Variants in CDC7 observed in about 807,000 individuals in gnomAD.
CDC7 encodes cell division cycle 7-related protein kinase.
A neutral mutation model predicts 53.5 loss-of-function variants in CDC7; 34 were observed. The observed-to-expected ratio is 0.64, with a 90% CI of 0.48 to 0.85. CDC7 has a LOEUF of 0.85. Among genes scored for constraint, CDC7 ranks in the 40% least tolerant of loss-of-function variants. The pLI, the probability that CDC7 is intolerant of heterozygous loss-of-function variation, is 0.00. For synonymous variants in CDC7, 211 were observed against 222.8 expected, an observed-to-expected ratio of 0.95 and a Z score of 0.47; for missense variants, 594 against 679.7, an observed-to-expected ratio of 0.87 and a Z score of 1.40.
chr1:91,512,020 A>G, intron 6 of CDC7, 97 bp downstream of exon 6: 1 of 877,260 alleles, frequency 1.1e-6, no homozygotes, highest in Admixed American at 3.1e-5. Flanking sequence ...TGTTATATAT[A>G]GTACAAAAGT....
chr1:91,507,100 C>T (rs1190813535), intron 2 of CDC7, among the ~76,000 whole-genome samples: 1 of 152,158 alleles, frequency 6.6e-6, no homozygotes, highest in Non-Finnish European at 1.5e-5. Context: ...GTTAGGAAGA[C>T]CTCAAAAGAT....
At chr1:91,510,349 T>C (rs983275182) in intron 4 of CDC7, among the ~76,000 whole-genome samples, 5 of 152,234 alleles carry the variant, frequency 3.3e-5, no homozygotes, top group Non-Finnish European at 7.3e-5. Flanking sequence ...TCTGTCATTA[T>C]AAGTTACCTT....
chr1:91,515,996 C>G (rs890269680), intron 10 of CDC7, 120 bp downstream of exon 10: 3 of 757,580 alleles, frequency 4.0e-6, no homozygotes, highest in Non-Finnish European at 6.4e-6. Context: ...ATTATGTAAG[C>G]AGTTCTTGCA....
intron 11 of CDC7, among the ~76,000 whole-genome samples, chr1:91,523,114 T>C (rs1419934774): frequency 6.6e-6 from 1 of 152,220 alleles, no homozygotes; most frequent in African/African-American, 2.4e-5. Context: ...ATCTAGTTTG[T>C]TTATTTGTTC....
chr1:91,504,168 G>A (rs770934261), intron 2 of CDC7, among the ~76,000 whole-genome samples: 24 of 150,558 alleles, frequency 1.6e-4, no homozygotes, highest in Non-Finnish European at 2.7e-4. Flanking sequence ...GTGCAGTGGT[G>A]CAATTACAGC....
chr1:91,516,140 C>T (rs1221955078), intron 10 of CDC7, among the ~76,000 whole-genome samples: 1 of 151,440 alleles, frequency 6.6e-6, no homozygotes, highest in African/African-American at 2.4e-5. Context: ...GATGATCTTA[C>T]CATCTTGTAA....
rs1668145937 is a variant in CDC7 at position 91,524,224 on chromosome 1, C to A, written c.1514C>A (p.Pro505Gln). The change falls in exon 12 of 12, where the codon CCA (proline) becomes CAA (glutamine). Residue 505 changes from proline (P) to glutamine (Q), a missense_variant. Transcript: ENST00000234626. ...GCTTCTTGCCTCGTTCAAACACCTC[C>A]AGGACAATACTCAGGGAATTCATTT... ...HKASCLVQTP[P>Q]GQYSGNSFKK... is the part of the protein sequence containing the mutation. 1 of 1,613,784 alleles carries A rather than the reference C, an allele frequency of 6.2e-7. No individual in the cohort carries two copies. Among genetic ancestry groups the A allele is most frequent in the African/African-American group, 1.3e-5 (1 of 74,894 alleles).
At chr1:91,517,925 G>A (rs1004370007) in intron 10 of CDC7, among the ~76,000 whole-genome samples, 24 of 151,584 alleles carry the variant, frequency 1.6e-4, no homozygotes, top group Admixed American at 3.3e-4. Context: ...GCGAAATCCC[G>A]TCTCTACTAA....
At chr1:91,509,038 G>A (rs186191759) in intron 4 of CDC7, among the ~76,000 whole-genome samples, 5 of 152,142 alleles carry the variant, frequency 3.3e-5, no homozygotes, top group African/African-American at 4.8e-5. Flanking sequence ...CACAATTGAC[G>A]TGAACCCTTG....
At position 91,524,635 on chromosome 1, in the gene CDC7, T is replaced by A. The variant is rs1668168224; in HGVS notation, c.*200T>A. ...AGTTCTTGGGACTAACAACATGATC[T>A]TCTTTGAGTTAAACCTACCTAAGTA... On this transcript the variant is annotated 3_prime_UTR_variant, in exon 12 of 12. Transcript: ENST00000234626. 2 of 510,102 alleles carry A rather than the reference T, an allele frequency of 3.9e-6. No individual in the cohort carries two copies. The highest frequency in any genetic ancestry group is 5.0e-4 in the Middle Eastern group (1 of 1,986). 31.6% of individuals were successfully genotyped at this position (510,102 alleles called of 1,614,324 possible). A position where few individuals can be genotyped will look rare whatever the true frequency, so the allele number is the denominator to read the frequency against.
chr1:91,519,143 G>T (rs1485690148), intron 10 of CDC7, among the ~76,000 whole-genome samples: 4 of 149,898 alleles, frequency 2.7e-5, no homozygotes, highest in Non-Finnish European at 5.9e-5. Context: ...TAATTGTGCA[G>T]TTTAAAATAA....
intron 1 of CDC7, 182 bp from the exon 2 acceptor site, chr1:91,501,472 G>A: frequency 2.5e-6 from 1 of 405,590 alleles, no homozygotes; most frequent in Non-Finnish European, 4.4e-6. Flanking sequence ...CCCTGCCGGT[G>A]TTTCTGATAG....
Position 91,511,868 on chromosome 1 carries a change from A to G in CDC7, c.517A>G (p.Ile173Val), listed in dbSNP as rs373272987. ...TTTGAAACGCATTCATCAGTTTGGT[A>G]TTGTTCACCGTGATGTTAAGCCCAG... is the stretch of plus-strand genomic sequence containing the variant. ...KALKRIHQFG[I>V]VHRDVKPSNF... is the part of the protein sequence containing the mutation. Residue 173 changes from isoleucine (I) to valine (V), a missense_variant, in exon 6 of 12, where the codon ATT becomes GTT. By Grantham distance (29) the Ile-to-Val change is conservative (BLOSUM62 3). Transcript: ENST00000234626. 1.9e-6 allele frequency: 3 copies of G among 1,603,072 alleles called. No individual in the cohort carries two copies. The highest frequency in any genetic ancestry group is 2.6e-6 in the Non-Finnish European group (3 of 1,171,666).
chr1:91,503,706 TAAAG>T (rs945366719), intron 2 of CDC7, among the ~76,000 whole-genome samples: 8 of 152,206 alleles, frequency 5.3e-5, no homozygotes, highest in African/African-American at 1.7e-4. Flanking sequence ...ATTTTTGAAG[TAAAG>T]AAAGCCAAAA....
Position 91,514,882 on chromosome 1 carries a change from A to G in CDC7, c.982A>G (p.Ile328Val), listed in dbSNP as rs765493427. ...SRKLATKKKA[I>V]STKVMNSAVM... is the part of the protein sequence containing the mutation. ...AAAGTTAGCAACAAAAAAGAAGGCT[A>G]TTTCTACAAAAGTTATGAATAGTGC... Residue 328 changes from isoleucine to valine, a missense_variant, in exon 9 of 12, where the codon ATT becomes GTT. Transcript: ENST00000234626. The G allele has an allele frequency of 6.8e-6, 11 of 1,613,456 alleles. No homozygotes were observed. Among genetic ancestry groups the G allele is most frequent in the South Asian group, 4.4e-5 (4 of 91,028 alleles).
At chr1:91,510,895 C>T (rs1433561535) in intron 4 of CDC7, among the ~76,000 whole-genome samples, 1 of 152,140 alleles carries the variant, frequency 6.6e-6, no homozygotes. Context: ...AAATTCCTTT[C>T]TTATTTGGCT....
At chr1:91,514,642 T>C (rs1667462883) in intron 8 of CDC7, among the ~76,000 whole-genome samples, 177 bp from the exon 9 acceptor site, 1 of 152,206 alleles carries the variant, frequency 6.6e-6, no homozygotes, top group African/African-American at 2.4e-5. Flanking sequence ...AAGGTGACTT[T>C]ACAGAAAAAC....
chr1:91,521,511 A>G (rs979348872), intron 11 of CDC7, among the ~76,000 whole-genome samples: 5 of 152,226 alleles, frequency 3.3e-5, no homozygotes, highest in African/African-American at 1.2e-4. Flanking sequence ...TTGTAAGAAA[A>G]TTTTATTTGA....
At chr1:91,518,354 GCTA>G (rs1286297430) in intron 10 of CDC7, among the ~76,000 whole-genome samples, 4 of 152,018 alleles carry the variant, frequency 2.6e-5, no homozygotes. Context: ...TAAAAATAGA[GCTA>G]CTACATGATC....
Sources: gnomAD v4.1 joint callset for allele counts (sites outside exome capture counted in the v4.1 genomes callset) on GRCh38, gnomAD v4.1.1 for gene constraint, MANE v1.5 for transcripts, NCBI Gene and HGNC (gene_info 2026-07-23, HGNC 2026-07-21) for gene names.